LRP1B: variants seen among roughly 807,000 people sequenced by gnomAD.
LRP1B encodes the protein LDL receptor related protein 1B.
A neutral mutation model predicts 556.6 loss-of-function variants in LRP1B; 217 were observed. The observed-to-expected ratio is 0.39, with a 90% CI of 0.35 to 0.44. The LOEUF (loss-of-function observed/expected upper bound fraction) is 0.44. Among genes scored for constraint, LRP1B ranks in the 20% least tolerant of loss-of-function variants. The probability of loss-of-function intolerance (pLI) is 1.00; values close to 1 mark genes in which losing one functional copy is unlikely to be tolerated. For missense variants in LRP1B, 5,053 were observed against 5,620.8 expected (o/e 0.90, Z 3.23); for synonymous variants, 2,047 against 1,865.8 (o/e 1.10, Z -2.50).
intron 1 of LRP1B, among the ~76,000 whole-genome samples, chr2:141,953,351 G>A (rs1010086128): frequency 6.6e-6 from 1 of 151,912 alleles, no homozygotes; most frequent in Non-Finnish European, 1.5e-5. Flanking sequence ...AATTCAACAC[G>A]TTGATTTGAA....
chr2:141,719,957 C>T (rs1288730455), intron 2 of LRP1B, among the ~76,000 whole-genome samples: 1 of 151,986 alleles, frequency 6.6e-6, no homozygotes, highest in Admixed American at 6.6e-5. Flanking sequence ...ATGAAATATA[C>T]CCATGCAACA....
chr2:141,539,826 G>A (rs1047765022), intron 2 of LRP1B, among the ~76,000 whole-genome samples: 4 of 151,966 alleles, frequency 2.6e-5, no homozygotes, highest in South Asian at 2.1e-4. Context: ...ATATAATATC[G>A]TGTGTAACAA....
chr2:142,059,848 GA>G (rs2104889720), intron 1 of LRP1B, among the ~76,000 whole-genome samples: 1 of 152,028 alleles, frequency 6.6e-6, no homozygotes, highest in African/African-American at 2.4e-5. Context: ...AAAGTATTGG[GA>G]TAATTTTACC....
In LRP1B at chr2:141,113,683, G is replaced by A. The variant is rs548990406; in HGVS notation, c.1014-51410C>T. On this transcript the variant is annotated intron_variant, in intron 7 of 90. Transcript: ENST00000389484. ...GTATGGAAAGATGGTGTTTAAAAAT[G>A]TAAATATTTTACTCTTAAATTCATG... 2.8e-4 allele frequency among the ~76,000 whole-genome samples: 42 copies of A among 152,072 alleles called. 2 individuals are homozygous for A. In the East Asian group the frequency reaches 7.9e-3, roughly 29 times the overall value.
At chr2:141,335,294 A>T (rs1687807799) in intron 3 of LRP1B, among the ~76,000 whole-genome samples, 1 of 152,214 alleles carries the variant, frequency 6.6e-6, no homozygotes, top group Admixed American at 6.5e-5. Context: ...TTACATGAGA[A>T]AAAAGAGTTC....
chr2:140,632,796 C>T (rs1276669612), intron 41 of LRP1B, among the ~76,000 whole-genome samples: 1 of 152,314 alleles, frequency 6.6e-6, no homozygotes, highest in East Asian at 1.9e-4. Context: ...GGCATCGTGG[C>T]TCATGCCTGT....
intron 86 of LRP1B, among the ~76,000 whole-genome samples, chr2:140,261,619 A>T (rs992486685): frequency 1.3e-5 from 2 of 151,936 alleles, no homozygotes; most frequent in Non-Finnish European, 2.9e-5. Context: ...TGTTGGTTAA[A>T]GTAGAGAAAA....
At chr2:141,367,280 T>C (rs1160481275) in intron 3 of LRP1B, among the ~76,000 whole-genome samples, 1 of 152,098 alleles carries the variant, frequency 6.6e-6, no homozygotes, top group Non-Finnish European at 1.5e-5. Flanking sequence ...TTTTTCATTA[T>C]GTCTTCTCTC....
chr2:140,270,219 C>T (rs966595641), intron 86 of LRP1B, 23 bp downstream of exon 86: 1 of 1,544,738 alleles, frequency 6.5e-7, no homozygotes, highest in East Asian at 2.2e-5. Flanking sequence ...TATAAGATGC[C>T]CATGACTTGA....
chr2:140,516,407 G>T (rs1334977815), intron 50 of LRP1B, among the ~76,000 whole-genome samples: 1 of 150,986 alleles, frequency 6.6e-6, no homozygotes, highest in Non-Finnish European at 1.5e-5. Context: ...GATGTGCATA[G>T]GTTATATGCA....
chr2:141,126,646 T>C (rs550219498), intron 7 of LRP1B, among the ~76,000 whole-genome samples: 83 of 152,296 alleles, frequency 5.4e-4, no homozygotes, highest in African/African-American at 2.0e-3. Flanking sequence ...AATAGCCTCT[T>C]GGTCCTTTAC....
intron 3 of LRP1B, among the ~76,000 whole-genome samples, chr2:141,464,607 T>TATATATATATATATATATA (rs1295526699): frequency 1.5e-4 from 9 of 59,882 alleles, no homozygotes; most frequent in Admixed American, 3.6e-4. Context: ...TATATATATA[T>TATATATATATATATATATA]TTTTTTAGTA....
chr2:141,125,724 A>T (rs1027354862), intron 7 of LRP1B, among the ~76,000 whole-genome samples: 3 of 151,712 alleles, frequency 2.0e-5, no homozygotes, highest in Admixed American at 1.3e-4. Flanking sequence ...CTCTCTGTGT[A>T]CTTTATCCTT....
At chr2:141,221,606 CA>C (rs1683045313) in intron 6 of LRP1B, among the ~76,000 whole-genome samples, 1 of 152,256 alleles carries the variant, frequency 6.6e-6, no homozygotes, top group African/African-American at 2.4e-5. Flanking sequence ...CTCTCCAACC[CA>C]AAACATCAGA....
rs78699131 is a variant in LRP1B, at chr2:141,991,019, A to C, written c.82+139629T>G. On this transcript the variant is annotated intron_variant, in intron 1 of 90. Transcript: ENST00000389484. The stretch of plus-strand genomic sequence containing the variant: ...GGTCCCTACCCGTTTTTCATTTTGC[A>C]CTTTTTCAGAGTAAATATTCTAGAT... Among the ~76,000 whole-genome samples the C allele has an allele frequency of 5.1e-3, 769 of 152,010 alleles. 10 individuals are homozygous for C. The highest frequency in any genetic ancestry group is 0.018 in the African/African-American group (732 of 41,522).
chr2:140,456,401 AG>A, intron 62 of LRP1B, 53 bp downstream of exon 62: 1 of 1,527,398 alleles, frequency 6.5e-7, no homozygotes, highest in Admixed American at 1.9e-5. Flanking sequence ...GCTAAACAAA[AG>A]AGCTGATGTT....
chr2:141,239,013 A>G (rs1394186769), intron 5 of LRP1B, among the ~76,000 whole-genome samples: 1 of 152,090 alleles, frequency 6.6e-6, no homozygotes, highest in Non-Finnish European at 1.5e-5. Context: ...TTTTAATGCC[A>G]TGGCAGAGGG....
At chr2:141,422,557 C>T (rs1236942159) in intron 3 of LRP1B, among the ~76,000 whole-genome samples, 2 of 152,108 alleles carry the variant, frequency 1.3e-5, no homozygotes, top group Non-Finnish European at 2.9e-5. Context: ...AATGAAGTTT[C>T]ACAAAAAATT....
intron 2 of LRP1B, among the ~76,000 whole-genome samples, chr2:141,492,829 T>C (rs985287707): frequency 1.3e-5 from 2 of 152,168 alleles, no homozygotes; most frequent in African/African-American, 4.8e-5. Context: ...GTAAAGTATA[T>C]GCATTTTATG....
Sources: gnomAD v4.1 joint callset for allele counts (sites outside exome capture counted in the v4.1 genomes callset) on GRCh38, gnomAD v4.1.1 for gene constraint, MANE v1.5 for transcripts, NCBI Gene and HGNC (gene_info 2026-07-23, HGNC 2026-07-21) for gene names.